DPT: variants seen among roughly 807,000 people sequenced by gnomAD.
The protein encoded by DPT is tyrosine-rich acidic matrix protein.
DPT carries 21 observed loss-of-function variants against 31.2 expected under a neutral mutation model. The ratio of observed to expected loss-of-function variants is 0.67; its 90% CI spans 0.48 to 0.97. The LOEUF is 0.97. Ranked by LOEUF, DPT falls within the 50% of genes least tolerant of loss-of-function variation. DPT has a pLI of 0.00. For synonymous variants in DPT, 91 were observed against 86.9 expected (o/e 1.05, Z -0.26); for missense variants, 262 against 258.8 (o/e 1.01, Z -0.08).
At chr1:168,712,370 T>A (rs1649885807) in intron 2 of DPT, among the ~76,000 whole-genome samples, 1 of 152,154 alleles carries the variant, frequency 6.6e-6, no homozygotes, top group Non-Finnish European at 1.5e-5. Flanking sequence ...AACCCACTCC[T>A]CCTGGCCACC....
Position 168,727,833 on chromosome 1 carries a change from C to T in DPT, c.305+1037G>A, listed in dbSNP as rs75165491. Among the ~76,000 whole-genome samples the T allele has an allele frequency of 2.4e-3, 372 of 152,202 alleles. 2 individuals carry two copies. Among genetic ancestry groups the T allele is most frequent in the African/African-American group, 8.6e-3 (356 of 41,520 alleles). On this transcript the variant is annotated intron_variant, in intron 1 of 3. Transcript: ENST00000367817. ...GGATTACAGGCGTGAGCCACCACAC[C>T]TGGCCAGATTTTGTGCTTGACCCCT...
intron 2 of DPT, 52 bp from the exon 3 acceptor site, chr1:168,701,176 G>T (rs1227337658): frequency 2.9e-6 from 4 of 1,363,530 alleles, no homozygotes; most frequent in Non-Finnish European, 4.2e-6. Context: ...TATTATTGCT[G>T]GGAGCAAACA....
chr1:168,708,562 C>T (rs1458824414), intron 2 of DPT, among the ~76,000 whole-genome samples: 1 of 152,184 alleles, frequency 6.6e-6, no homozygotes, highest in Non-Finnish European at 1.5e-5. Context: ...ATGGAAGCTG[C>T]TCTTCATTTT....
intron 2 of DPT, among the ~76,000 whole-genome samples, chr1:168,710,696 A>C (rs1649833913): frequency 3.3e-5 from 5 of 152,150 alleles, no homozygotes; most frequent in Admixed American, 3.3e-4. Flanking sequence ...AAAGTATGTG[A>C]GAGGAACGAT....
chr1:168,727,251 C>T (rs1440857712), intron 1 of DPT, among the ~76,000 whole-genome samples: 1 of 152,234 alleles, frequency 6.6e-6, no homozygotes, highest in African/African-American at 2.4e-5. Flanking sequence ...ATCCAAACCC[C>T]AGCTTTCTAG....
intron 1 of DPT, among the ~76,000 whole-genome samples, chr1:168,721,225 C>A (rs1650108106): frequency 6.6e-6 from 1 of 152,210 alleles, no homozygotes; most frequent in Non-Finnish European, 1.5e-5. Flanking sequence ...CTTCAAAGTT[C>A]TGGATTTCTC....
At chr1:168,713,151 T>G (rs1649904017) in intron 2 of DPT, among the ~76,000 whole-genome samples, 1 of 152,178 alleles carries the variant, frequency 6.6e-6, no homozygotes, top group Non-Finnish European at 1.5e-5. Context: ...CCTATCCCAG[T>G]GGCATCGTAA....
chr1:168,723,107 A>G (rs1001239289), intron 1 of DPT, among the ~76,000 whole-genome samples: 2 of 152,196 alleles, frequency 1.3e-5, no homozygotes, highest in African/African-American at 2.4e-5. Context: ...ATCTGTCATA[A>G]CCCTATTCTC....
chr1:168,724,229 C>A (rs1272108868), intron 1 of DPT, among the ~76,000 whole-genome samples: 1 of 152,184 alleles, frequency 6.6e-6, no homozygotes, highest in Non-Finnish European at 1.5e-5. Context: ...CTTGAAAGAC[C>A]ATCCTGCATG....
At chr1:168,716,837 G>A (rs1312596809) in intron 1 of DPT, among the ~76,000 whole-genome samples, 2 of 152,168 alleles carry the variant, frequency 1.3e-5, no homozygotes, top group African/African-American at 4.8e-5. Context: ...AGTTTGCTGA[G>A]GATGATGGCT....
intron 3 of DPT, among the ~76,000 whole-genome samples, chr1:168,698,144 T>C (rs1649505754): frequency 6.6e-6 from 1 of 152,228 alleles, no homozygotes; most frequent in African/African-American, 2.4e-5. Flanking sequence ...GTGGGGCTGA[T>C]TGCTCTTAGT....
At chr1:168,726,054 T>G (rs1470843906) in intron 1 of DPT, among the ~76,000 whole-genome samples, 1 of 152,186 alleles carries the variant, frequency 6.6e-6, no homozygotes, top group Admixed American at 6.5e-5. Flanking sequence ...GGGTAATTCG[T>G]GTCAGTCCTG....
At chr1:168,727,456 G>C (rs557359168) in intron 1 of DPT, among the ~76,000 whole-genome samples, 1 of 152,034 alleles carries the variant, frequency 6.6e-6, no homozygotes, top group South Asian at 2.1e-4. Context: ...ACCCATCGGT[G>C]TTTCTTCCTC....
intron 1 of DPT, among the ~76,000 whole-genome samples, chr1:168,715,352 G>A (rs1649957892): frequency 6.6e-6 from 1 of 151,748 alleles, no homozygotes. Flanking sequence ...ACTTTTTGCT[G>A]TGATGATAAC....
chr1:168,696,667 G>A, intron 3 of DPT, 52 bp from the exon 4 acceptor site: 1 of 1,516,130 alleles, frequency 6.6e-7, no homozygotes, highest in Non-Finnish European at 9.1e-7. Context: ...GACATGGCAG[G>A]AAGAATCGCT....
At chr1:168,700,193 C>T (rs1649563410) in intron 3 of DPT, among the ~76,000 whole-genome samples, 1 of 152,082 alleles carries the variant, frequency 6.6e-6, no homozygotes, top group Non-Finnish European at 1.5e-5. Flanking sequence ...GAGGGCTCTG[C>T]TCTCATGAAT....
intron 2 of DPT, among the ~76,000 whole-genome samples, chr1:168,701,873 G>A (rs937673237): frequency 6.6e-6 from 1 of 152,182 alleles, no homozygotes; most frequent in Admixed American, 6.5e-5. Context: ...GTTTGTCATT[G>A]GAACTAATAA....
chr1:168,719,165 A>G (rs1349465122), intron 1 of DPT, among the ~76,000 whole-genome samples: 8 of 152,228 alleles, frequency 5.3e-5, no homozygotes, highest in African/African-American at 1.9e-4. Flanking sequence ...ACTCAATTCC[A>G]TTAAGGGCCC....
chr1:168,716,790 T>G (rs369394413), intron 1 of DPT, among the ~76,000 whole-genome samples: 1 of 152,202 alleles, frequency 6.6e-6, no homozygotes, highest in Admixed American at 6.5e-5. Context: ...CACTTATGAG[T>G]GAGAGCATTC....
Sources: allele counts gnomAD v4.1 joint callset (sites outside exome capture counted in the v4.1 genomes callset), GRCh38; gene constraint gnomAD v4.1.1; transcripts MANE v1.5; gene names NCBI Gene and HGNC (gene_info 2026-07-23, HGNC 2026-07-21).